Variants in RUBCN observed in about 807,000 individuals in gnomAD.
The protein encoded by RUBCN is run domain Beclin-1-interacting and cysteine-rich domain-containing protein.
Under a neutral mutation model 113.2 loss-of-function variants are expected in RUBCN, and 74 were observed. That is an observed-to-expected ratio of 0.65 (90% CI 0.54 to 0.79). The LOEUF is 0.79. Among genes scored for constraint, RUBCN ranks in the 30% least tolerant of loss-of-function variants. The pLI is 0.00. For synonymous variants in RUBCN, 480 were observed against 490.0 expected, an observed-to-expected ratio of 0.98 and a Z score of 0.27; for missense variants, 1,109 against 1,251.7, an observed-to-expected ratio of 0.89 and a Z score of 1.72.
At position 197,682,600 on chromosome 3, in the gene RUBCN, C is replaced by A. The variant is rs1384449701; in HGVS notation, c.1996G>T (p.Asp666Tyr). The part of the protein sequence containing the change: ...DAPQKLLPIP[D>Y]SLPISPDDGQ... ...TCATCCGGTGAGATGGGCAGTGAGT[C>A]AGGAATGGGCAGGAGCTGCAGGAGG... Residue 666 changes from aspartate to tyrosine, a missense_variant, in exon 14 of 20, where the codon GAC (aspartate) becomes TAC (tyrosine). Physicochemically the swap from Asp to Tyr is radical, Grantham distance 160. Around this residue, in one of 3 missense-constraint regions of RUBCN, gnomAD observed 67 missense variants for 123.2 expected, o/e 0.54. Transcript: ENST00000296343. 1.2e-6 allele frequency: 2 copies of A among 1,613,936 alleles called. No homozygotes were observed. Among genetic ancestry groups the A allele is most frequent in the Admixed American group, 1.7e-5 (1 of 59,998 alleles).
rs558732013 is a variant in RUBCN, at chr3:197,748,829, T to C, written c.-116+440A>G. ...AAAAATAGTAAATGTGTCATTGGTG[T>C]TGAAGTTGGAAGCCACATGACATTG... is the stretch of plus-strand genomic sequence containing the variant. On this transcript the variant is annotated intron_variant, in intron 1 of 20. Transcript: ENST00000273582. Among the ~76,000 whole-genome samples, 13 of 152,346 alleles carry C rather than the reference T, an allele frequency of 8.5e-5. No individual in the cohort carries two copies. The South Asian group carries it at 2.5e-3, about 29-fold the overall frequency.
In RUBCN at chr3:197,675,240, A is replaced by G; in HGVS notation, c.2741-44T>C. The G allele has an allele frequency of 6.2e-7, 1 of 1,606,788 alleles. No homozygotes were observed. ...TGGGGGAGAGAAGAAAACAATTTGTATTATCTCCAGCTAGAGGTCAGTTGC... is the reference window on the plus strand; with the variant it reads ...TGGGGGAGAGAAGAAAACAATTTGTGTTATCTCCAGCTAGAGGTCAGTTGC... On this transcript the variant is annotated intron_variant, in intron 19 of 19. Transcript: ENST00000296343. This position sits in a 1 kb window ranked among gnomAD's most constrained non-coding sequence, Gnocchi z 4.4.
intron 11 of RUBCN, chr3:197,691,258 T>C: frequency 1.8e-6 from 1 of 554,458 alleles, no homozygotes; most frequent in South Asian, 1.6e-5. Context: ...CTCCCAAACA[T>C]GAAATGGCGT....
intron 4 of RUBCN, 48 bp downstream of exon 4, chr3:197,704,494 G>A: frequency 6.4e-7 from 1 of 1,574,548 alleles, no homozygotes; most frequent in East Asian, 2.2e-5. Context: ...AGTGAGGTGG[G>A]TGACAACGAG....
At chr3:197,682,396 G>T (rs1248780992) in intron 14 of RUBCN, 74 bp downstream of exon 14, 1 of 1,560,638 alleles carries the variant, frequency 6.4e-7, no homozygotes, top group Non-Finnish European at 8.8e-7. Flanking sequence ...AGGGACAAGT[G>T]GGTGAGACGA....
At position 197,701,044 on chromosome 3, in the gene RUBCN, G is replaced by C. The variant is rs767718591; in HGVS notation, c.830C>G (p.Pro277Arg). Residue 277 changes from proline (P) to arginine (R), a missense_variant, in exon 7 of 20, where the codon CCA becomes CGA. Physicochemically the swap from Pro to Arg is moderately radical, Grantham distance 103 (BLOSUM62 -2). Coordinates refer to ENST00000296343, the MANE Select transcript of RUBCN (RefSeq NM_014687.4). ...CCTGGCTAGTGCAGAGACTGAAACT[G>C]GGGGGGCTTGGATGGTTTGATCCTC... The part of the protein sequence containing the change: ...PAEDQTIQAP[P>R]VSVSALARDS... 2 of 1,613,484 alleles carry C rather than the reference G, an allele frequency of 1.2e-6. No homozygotes were observed. Among genetic ancestry groups the C allele is most frequent in the Non-Finnish European group, 1.7e-6 (2 of 1,179,712 alleles).
At chr3:197,691,145 C>A in intron 11 of RUBCN, 12 of 1,280,384 alleles carry the variant, frequency 9.4e-6, no homozygotes, top group Non-Finnish European at 1.2e-5. Context: ...TCCTTCGCTA[C>A]CATCTGTGTA....
chr3:197,674,627 T>C lies in RUBCN; in HGVS notation c.*391A>G. ...GTTGAGAAAGGCCTGGCTCAGAAGCTCCAGAACTGAAACAAAGGAAAATTG... is the reference window on the plus strand; with the variant it reads ...GTTGAGAAAGGCCTGGCTCAGAAGCCCCAGAACTGAAACAAAGGAAAATTG... On this transcript the variant is annotated 3_prime_UTR_variant, in exon 20 of 20. Coordinates refer to ENST00000296343, the MANE Select transcript of RUBCN (RefSeq NM_014687.4). 1 of 443,874 alleles carries C rather than the reference T, an allele frequency of 2.3e-6. No individual in the cohort carries two copies. The highest frequency in any genetic ancestry group is 4.5e-6 in the Non-Finnish European group (1 of 221,878). 27.5% of individuals were successfully genotyped at this position (443,874 alleles called of 1,614,324 possible).
intron 2 of RUBCN, 70 bp from the exon 3 acceptor site, chr3:197,705,245 T>G: frequency 7.1e-7 from 1 of 1,410,776 alleles, no homozygotes; most frequent in South Asian, 1.2e-5. Flanking sequence ...AGGGTTGGCA[T>G]TCAAAGATAG....
intron 11 of RUBCN, among the ~76,000 whole-genome samples, chr3:197,686,446 T>G (rs552810907): frequency 2.8e-4 from 42 of 152,300 alleles, no homozygotes; most frequent in African/African-American, 9.9e-4. Context: ...GACCCCGGAC[T>G]GGAGGGAGAG....
At chr3:197,696,088 G>T in intron 8 of RUBCN, 107 bp from the exon 9 acceptor site, 7 of 1,070,458 alleles carry the variant, frequency 6.5e-6, no homozygotes, top group Non-Finnish European at 9.9e-6. Flanking sequence ...GGAATTAGAG[G>T]TTGGAAGAAG....
chr3:197,688,661 G>C (rs1560417252), intron 11 of RUBCN, among the ~76,000 whole-genome samples: 3 of 152,182 alleles, frequency 2.0e-5, no homozygotes, highest in South Asian at 4.1e-4. Flanking sequence ...GAAAAAAATA[G>C]CAACAACAAA....
rs1258003204 is a variant in RUBCN at position 197,705,167 on chromosome 3, G to A, written c.228C>T (p.Arg76=). The A allele has an allele frequency of 6.2e-7, 1 of 1,614,030 alleles. No individual in the cohort carries two copies. Among genetic ancestry groups the A allele is most frequent in the Non-Finnish European group, 8.5e-7 (1 of 1,179,872 alleles). ...CGAACTGCCAGTAATCCGTCTGGCGGCGGCACGCCTGCAAAGGGAACACAT... is the reference window on the plus strand; with the variant it reads ...CGAACTGCCAGTAATCCGTCTGGCGACGGCACGCCTGCAAAGGGAACACAT... ...YHGLIRDQAC[R]RQTDYWQFVK... The change falls in exon 3 of 20, where the codon CGC becomes CGT. Residue 76 remains arginine, a synonymous_variant. Transcript: ENST00000296343.
In RUBCN at chr3:197,681,131, G is replaced by T; in HGVS notation, c.2428C>A (p.Arg810=). 6.2e-7 allele frequency: 1 copy of T among 1,608,862 alleles called. No homozygotes were observed. The highest frequency in any genetic ancestry group is 8.5e-7 in the Non-Finnish European group (1 of 1,175,466). Residue 810 remains arginine (R), a splice_region_variant and synonymous_variant, in exon 16 of 20, where the codon CGG becomes AGG. Coordinates refer to ENST00000296343, the MANE Select transcript of RUBCN (RefSeq NM_014687.4). The surrounding 1 kb of genome is among the most constrained non-coding windows in gnomAD (Gnocchi z 5.5). ...GGTGGCCTTTTCCAAGGTCTTACCC[G>T]GACTTGATTGAGCAGCTTGACCTTC... ...YRKVKLLNQV[R]LLRVQLCHMK...
At chr3:197,676,097 T>C in intron 18 of RUBCN, 1 of 695,074 alleles carries the variant, frequency 1.4e-6, no homozygotes, top group Non-Finnish European at 1.8e-6. Flanking sequence ...CGACGTGCGT[T>C]TGAGGAATAC....
intron 1 of RUBCN, among the ~76,000 whole-genome samples, chr3:197,735,133 GT>G (rs112388291): frequency 0.11 from 17,143 of 152,208 alleles, 1,173 homozygotes; most frequent in African/African-American, 0.18. Context: ...GCTCACACCT[GT>G]TAATTCCAGC....
At chr3:197,741,478 G>A (rs1728522112), upstream of RUBCN, among the ~76,000 whole-genome samples, 1 of 152,142 alleles carries the variant, frequency 6.6e-6, no homozygotes, top group African/African-American at 2.4e-5. Flanking sequence ...CTTTTATTCT[G>A]TCTTTATAGC....
chr3:197,683,379 C>T lies in RUBCN; in HGVS notation c.1908G>A (p.Gln636=). The T allele has an allele frequency of 1.9e-6, 3 of 1,614,222 alleles. No homozygotes were observed. The highest frequency in any genetic ancestry group is 2.5e-6 in the Non-Finnish European group (3 of 1,180,040). ...CGGCTGGAAGCTGCATCCCCTCAAA[C>T]TGCTTCAGGAGCCCCATGGCCACCG... ...AEAVAMGLLK[Q]FEGMQLPAAS... Residue 636 remains glutamine, a synonymous_variant, in exon 13 of 20, where the codon CAG becomes CAA. Coordinates refer to ENST00000296343, the MANE Select transcript of RUBCN (RefSeq NM_014687.4). The surrounding 1 kb of genome is among the most constrained non-coding windows in gnomAD (Gnocchi z 4.6).
chr3:197,684,717 T>C (rs777932042), intron 11 of RUBCN, among the ~76,000 whole-genome samples: 1 of 149,578 alleles, frequency 6.7e-6, no homozygotes, highest in African/African-American at 2.5e-5. Context: ...CGCACACACA[T>C]ATATGTGTGT....
Sources: allele counts gnomAD v4.1 joint callset (sites outside exome capture counted in the v4.1 genomes callset), GRCh38; gene constraint gnomAD v4.1.1; regional missense constraint gnomAD v4.1.1; non-coding constraint Gnocchi (gnomAD v3.1); transcripts MANE v1.5; gene names NCBI Gene and HGNC (gene_info 2026-07-23, HGNC 2026-07-21).